Variants in EEPD1 observed in about 807,000 individuals in gnomAD.
EEPD1 encodes the protein endonuclease/exonuclease/phosphatase family domain-containing protein 1.
A neutral mutation model predicts 46.3 loss-of-function variants in EEPD1; 17 were observed. The observed-to-expected ratio is 0.37, with a 90% CI of 0.25 to 0.55. The LOEUF (loss-of-function observed/expected upper bound fraction) is 0.55. Ranked by LOEUF, EEPD1 falls within the 20% of genes least tolerant of loss-of-function variation. EEPD1 has a pLI of 0.83. For synonymous variants in EEPD1, 313 were observed against 315.6 expected (o/e 0.99, Z 0.09); for missense variants, 673 against 745.6 (o/e 0.90, Z 1.13).
At chr7:36,221,196 A>G (rs1361336117) in intron 2 of EEPD1, among the ~76,000 whole-genome samples, 1 of 152,192 alleles carries the variant, frequency 6.6e-6, no homozygotes, top group Admixed American at 6.5e-5. Context: ...ATAACCTAAT[A>G]TGTAATTTCT....
chr7:36,245,543 G>A (rs1786626807), intron 3 of EEPD1, among the ~76,000 whole-genome samples: 1 of 152,134 alleles, frequency 6.6e-6, no homozygotes, highest in Non-Finnish European at 1.5e-5. Flanking sequence ...AGGAGGTGGG[G>A]GCCCCTTGTG....
At chr7:36,239,163 G>T in intron 3 of EEPD1, 127 bp downstream of exon 3, 1 of 933,334 alleles carries the variant, frequency 1.1e-6, no homozygotes, top group South Asian at 1.5e-5. Flanking sequence ...TTGTATTCCT[G>T]ACAGCGAATC....
chr7:36,168,648 C>T (rs1394207645), intron 2 of EEPD1, among the ~76,000 whole-genome samples: 1 of 146,744 alleles, frequency 6.8e-6, no homozygotes, highest in East Asian at 1.9e-4. Flanking sequence ...GTCCCAGCTA[C>T]TCAAGAGGCT....
chr7:36,268,547 T>C (rs1787058403), intron 3 of EEPD1, among the ~76,000 whole-genome samples: 2 of 152,202 alleles, frequency 1.3e-5, no homozygotes, highest in Admixed American at 1.3e-4. Context: ...CCTCTATCCA[T>C]GCCAGCAGTG....
Position 36,271,720 on chromosome 7 carries a change from C to CTTATAGGGTTTTT in EEPD1, c.931-9395_931-9394insTTATAGGGTTTTT, listed in dbSNP as rs60503175. 3.6e-5 allele frequency among the ~76,000 whole-genome samples: 2 copies of CTTATAGGGTTTTT among 55,332 alleles called. 1 individual carries two copies. 36.3% of individuals were successfully genotyped at this position (55,332 alleles called of 152,430 possible). ...TCCTGAATGGTATTGCCTAGGTTTT[C>CTTATAGGGTTTTT]ATGGTTTTAGGTTTTACATTTAAGT... On this transcript the variant is annotated intron_variant, in intron 3 of 7. Transcript: ENST00000242108.
chr7:36,234,335 C>T (rs1249309824), intron 2 of EEPD1, among the ~76,000 whole-genome samples: 2 of 152,114 alleles, frequency 1.3e-5, no homozygotes, highest in Non-Finnish European at 2.9e-5. Context: ...CTTAGTTGTA[C>T]AAAGGGTATG....
chr7:36,246,835 T>C (rs544111641), intron 3 of EEPD1, among the ~76,000 whole-genome samples: 4 of 151,822 alleles, frequency 2.6e-5, no homozygotes, highest in Non-Finnish European at 5.9e-5. Flanking sequence ...ACTAGAAAAA[T>C]TGAACTTGGG....
Position 36,238,982 on chromosome 7 carries a change from C to G in EEPD1, c.879-3C>G. ...AGTGTGGTTTTGATTTTTTTTCTTA[C>G]AGCATCAAGCTTCTAGCTGTGCAAG... On this transcript the variant is annotated splice_polypyrimidine_tract_variant and splice_region_variant and intron_variant, in intron 2 of 7. Transcript: ENST00000242108. The G allele has an allele frequency of 6.2e-7, 1 of 1,602,622 alleles. No homozygotes were observed. Among genetic ancestry groups the G allele is most frequent in the Non-Finnish European group, 8.5e-7 (1 of 1,177,236 alleles).
rs1056739878 is a variant in EEPD1 at position 36,225,448 on chromosome 7, G to A, written c.879-13537G>A. ...ACCCCGTGCTCACGAGGGACTGTGC[G>A]TGAATATCAAAGGCCTCACTCAACC... On this transcript the variant is annotated intron_variant, in intron 2 of 7. Transcript: ENST00000242108. The surrounding 1 kb of genome is among the most constrained non-coding windows in gnomAD (Gnocchi z 4.2). Among the ~76,000 whole-genome samples the A allele has an allele frequency of 3.3e-5, 5 of 152,168 alleles. No individual in the cohort carries two copies. The highest frequency in any genetic ancestry group is 1.5e-5 in the Non-Finnish European group (1 of 68,028).
Position 36,271,312 on chromosome 7 carries a change from T to C in EEPD1, c.931-9803T>C, listed in dbSNP as rs190708299. Among the ~76,000 whole-genome samples the C allele has an allele frequency of 3.5e-4, 53 of 152,292 alleles. No individual in the cohort carries two copies. In the East Asian group the frequency reaches 9.8e-3, roughly 28 times the overall value. ...TTAATGATCGCCGTTCTAACTGGCA[T>C]GAGATGGTATCTCATTGTGGTTTTG... On this transcript the variant is annotated intron_variant, in intron 3 of 7. Coordinates refer to ENST00000242108, the MANE Select transcript of EEPD1 (RefSeq NM_030636.3).
At chr7:36,254,952 T>C (rs1421059720) in intron 3 of EEPD1, among the ~76,000 whole-genome samples, 1 of 152,244 alleles carries the variant, frequency 6.6e-6, no homozygotes, top group Non-Finnish European at 1.5e-5. Context: ...GAAGTGTCTT[T>C]TCATATCCTG....
rs533788545 is a variant in EEPD1, at chr7:36,278,476, A to C, written c.931-2639A>C. 5.4e-4 allele frequency among the ~76,000 whole-genome samples: 65 copies of C among 120,894 alleles called. 1 individual carries two copies. The highest frequency in any genetic ancestry group is 1.8e-3 in the African/African-American group (56 of 31,668). The allele number at this position is 120,894 out of a possible 152,430, so 79.3% of individuals were successfully genotyped here. ...CCCCAGGGCTGGGCCTCTCTGATCT[A>C]CCTGGTTGGCTGATCCCTTGGTGGG... On this transcript the variant is annotated intron_variant, in intron 3 of 7. Transcript: ENST00000242108.
intron 3 of EEPD1, among the ~76,000 whole-genome samples, chr7:36,267,569 T>C (rs1787042316): frequency 6.6e-6 from 1 of 152,150 alleles, no homozygotes; most frequent in Non-Finnish European, 1.5e-5. Flanking sequence ...CCCAACTAAG[T>C]GAACACCAAC....
In EEPD1 at chr7:36,263,567, G is replaced by A. The variant is rs80182728; in HGVS notation, c.931-17548G>A. ...TGTATAGCTCTGGGGATCTTCAGGG[G>A]TCAGAAGTGTCCAGGATTAAAACAA... On this transcript the variant is annotated intron_variant, in intron 3 of 7. Coordinates refer to ENST00000242108, the MANE Select transcript of EEPD1 (RefSeq NM_030636.3). 5.7e-3 allele frequency among the ~76,000 whole-genome samples: 870 copies of A among 152,264 alleles called. 6 individuals are homozygous for A. The highest frequency in any genetic ancestry group is 0.02 in the African/African-American group (828 of 41,522).
chr7:36,270,391 G>T (rs1226703891), intron 3 of EEPD1, among the ~76,000 whole-genome samples: 1 of 152,100 alleles, frequency 6.6e-6, no homozygotes, highest in Non-Finnish European at 1.5e-5. Flanking sequence ...CACGTGCCAT[G>T]GTGGTTTGCT....
chr7:36,267,668 T>C lies in EEPD1; in HGVS notation c.931-13447T>C, dbSNP rs559533696. On this transcript the variant is annotated intron_variant, in intron 3 of 7. Coordinates refer to ENST00000242108, the MANE Select transcript of EEPD1 (RefSeq NM_030636.3). ...TGCAGTTTTACATGCAGGTGATTAC[T>C]TGTAAGACTGTAAGCTCAGGTTGGG... Among the ~76,000 whole-genome samples, 15 of 152,298 alleles carry C rather than the reference T, an allele frequency of 9.8e-5. No individual in the cohort carries two copies. In the East Asian group the frequency reaches 2.5e-3, roughly 25 times the overall value.
intron 2 of EEPD1, among the ~76,000 whole-genome samples, chr7:36,173,651 A>AT (rs1785128227): frequency 6.6e-6 from 1 of 152,190 alleles, no homozygotes; most frequent in African/African-American, 2.4e-5. Context: ...TCTTTTGTTT[A>AT]TAAATTACCC....
At chr7:36,228,031 GC>G (rs1333580116) in intron 2 of EEPD1, among the ~76,000 whole-genome samples, 1 of 152,132 alleles carries the variant, frequency 6.6e-6, no homozygotes, top group Non-Finnish European at 1.5e-5. Context: ...GATCGCTTGA[GC>G]CCAGGAGTTG....
At chr7:36,183,888 T>TTTTTTTTTTTTTG (rs3053348) in intron 2 of EEPD1, among the ~76,000 whole-genome samples, 9 of 135,410 alleles carry the variant, frequency 6.6e-5, no homozygotes, top group Non-Finnish European at 1.5e-4. Context: ...TTTTTTTTTT[T>TTTTTTTTTTTTTG]ATTTTTAAAA....
Sources: gnomAD v4.1 joint callset for allele counts (sites outside exome capture counted in the v4.1 genomes callset) on GRCh38, gnomAD v4.1.1 for gene constraint, Gnocchi (gnomAD v3.1) non-coding constraint, MANE v1.5 for transcripts, NCBI Gene and HGNC (gene_info 2026-07-23, HGNC 2026-07-21) for gene names.